Variants in ZBTB38 observed in about 807,000 individuals in gnomAD.
ZBTB38 encodes the protein zinc finger and BTB domain containing 38, also known as zinc finger and BTB domain-containing protein 38.
Under a neutral mutation model 76.8 loss-of-function variants are expected in ZBTB38, and 20 were observed. The observed-to-expected ratio is 0.26, with a 90% CI of 0.18 to 0.38. ZBTB38 has a LOEUF of 0.38. ZBTB38 is among the 10% of genes least tolerant of loss of function. The pLI is 1.00. For missense variants in ZBTB38, 1,082 were observed against 1,482.3 expected, an observed-to-expected ratio of 0.73 and a Z score of 4.43; for synonymous variants, 504 against 544.2, an observed-to-expected ratio of 0.93 and a Z score of 1.03.
chr3:141,384,216 G>A (rs375088343), intron 3 of ZBTB38, among the ~76,000 whole-genome samples: 3 of 152,324 alleles, frequency 2.0e-5, no homozygotes, highest in African/African-American at 4.8e-5. Flanking sequence ...AACCCCACAG[G>A]GGGTTTGGAA....
intron 1 of ZBTB38, among the ~76,000 whole-genome samples, chr3:141,339,103 T>C (rs1943098817): frequency 6.6e-6 from 1 of 151,974 alleles, no homozygotes; most frequent in African/African-American, 2.4e-5. Flanking sequence ...CCATGCCAAA[T>C]CTCAAGTGAA....
At chr3:141,341,046 T>G (rs941260529) in intron 1 of ZBTB38, among the ~76,000 whole-genome samples, 1 of 151,284 alleles carries the variant, frequency 6.6e-6, no homozygotes, top group East Asian at 1.9e-4. Flanking sequence ...AATAAGCGCA[T>G]GAAAAGATGT....
At chr3:141,358,571 A>G (rs1467403406) in intron 1 of ZBTB38, among the ~76,000 whole-genome samples, 1 of 152,230 alleles carries the variant, frequency 6.6e-6, no homozygotes, top group African/African-American at 2.4e-5. Context: ...CATTCAATTC[A>G]CCTATTTAAA....
chr3:141,377,816 G>A (rs1328713417), intron 2 of ZBTB38, among the ~76,000 whole-genome samples: 1 of 152,134 alleles, frequency 6.6e-6, no homozygotes, highest in Non-Finnish European at 1.5e-5. Context: ...GATCACAAGG[G>A]CATTATGCTG....
At chr3:141,365,191 G>A (rs1943929536), upstream of ZBTB38, among the ~76,000 whole-genome samples, 3 of 152,116 alleles carry the variant, frequency 2.0e-5, no homozygotes, top group African/African-American at 7.2e-5. Flanking sequence ...CCCACACAGT[G>A]GAATATTATT....
At chr3:141,353,668 G>A (rs1943581694) in intron 1 of ZBTB38, among the ~76,000 whole-genome samples, 1 of 152,146 alleles carries the variant, frequency 6.6e-6, no homozygotes. Flanking sequence ...CATTGCTGAA[G>A]CCTGTATCTT....
chr3:141,377,804 T>G (rs1221203415), intron 2 of ZBTB38, among the ~76,000 whole-genome samples: 1 of 152,198 alleles, frequency 6.6e-6, no homozygotes, highest in Non-Finnish European at 1.5e-5. Flanking sequence ...ACAATTCAAA[T>G]GGATCACAAG....
At chr3:141,430,486 A>G (rs1454184887) in intron 5 of ZBTB38, among the ~76,000 whole-genome samples, 2 of 152,190 alleles carry the variant, frequency 1.3e-5, no homozygotes, top group African/African-American at 4.8e-5. Context: ...TCCAGCTGAC[A>G]TTTCTTGAAC....
intron 5 of ZBTB38, among the ~76,000 whole-genome samples, chr3:141,431,139 A>G (rs1023651995): frequency 2.0e-5 from 3 of 151,756 alleles, no homozygotes; most frequent in Non-Finnish European, 2.9e-5. Context: ...CCTGACCAAC[A>G]TGGTGAAACC....
chr3:141,404,956 C>T (rs1287828871), intron 5 of ZBTB38, among the ~76,000 whole-genome samples: 2 of 152,226 alleles, frequency 1.3e-5, no homozygotes, highest in Admixed American at 6.5e-5. Flanking sequence ...GGGTCCATCG[C>T]AGGGACAGAC....
chr3:141,389,449 C>CTTTTT (rs34802212), intron 4 of ZBTB38: 1 of 123,818 alleles, frequency 8.1e-6, no homozygotes, highest in Non-Finnish European at 1.7e-5. Flanking sequence ...CCTGCAACAC[C>CTTTTT]TTTTTTTTTT....
intron 1 of ZBTB38, among the ~76,000 whole-genome samples, chr3:141,347,508 G>A (rs556414013): frequency 9.9e-5 from 15 of 152,184 alleles, no homozygotes; most frequent in Non-Finnish European, 5.9e-5. Flanking sequence ...CATTATACAC[G>A]GGCCTGTTTG....
intron 5 of ZBTB38, among the ~76,000 whole-genome samples, chr3:141,425,318 T>A (rs1046824423): frequency 1.3e-5 from 2 of 152,236 alleles, no homozygotes; most frequent in African/African-American, 4.8e-5. Flanking sequence ...ACTCTACGTA[T>A]ACATTCAATA....
intron 5 of ZBTB38, among the ~76,000 whole-genome samples, chr3:141,410,135 G>C (rs1468005138): frequency 1.3e-5 from 2 of 152,180 alleles, no homozygotes; most frequent in Non-Finnish European, 1.5e-5. Context: ...GGACAAGCAG[G>C]GGCAGGGACT....
upstream of ZBTB38, among the ~76,000 whole-genome samples, chr3:141,365,855 T>G (rs1466567360): frequency 6.6e-6 from 1 of 152,148 alleles, no homozygotes. Flanking sequence ...AATTGTACAC[T>G]TTAAGTGAGT....
chr3:141,335,980 TATC>T (rs1250759314), intron 1 of ZBTB38, among the ~76,000 whole-genome samples: 5 of 151,988 alleles, frequency 3.3e-5, no homozygotes, highest in African/African-American at 1.2e-4. Flanking sequence ...AAGGGGAAAA[TATC>T]ATATATTCTT....
chr3:141,382,475 C>T lies in ZBTB38; in HGVS notation c.-172+988C>T, dbSNP rs538833814. On this transcript the variant is annotated intron_variant, in intron 3 of 5. Coordinates refer to ENST00000321464, the MANE Select transcript of ZBTB38 (RefSeq NM_001376113.1). ...GTATCTCTCTCGGCCTGTTTGGTCA[C>T]CTGTGAGAGGGAAAAAACTAGACTC... 2.6e-5 allele frequency among the ~76,000 whole-genome samples: 4 copies of T among 152,002 alleles called. No homozygotes were observed. In the South Asian group the frequency reaches 8.3e-4, roughly 32 times the overall value.
chr3:141,343,609 A>G (rs1346365646), intron 1 of ZBTB38, among the ~76,000 whole-genome samples: 2 of 152,184 alleles, frequency 1.3e-5, no homozygotes, highest in Non-Finnish European at 2.9e-5. Flanking sequence ...AGAGGTACAG[A>G]TCAATCCAGG....
In ZBTB38 at chr3:141,442,463, GCA is replaced by G; in HGVS notation, c.76_77del (p.Gln26AlafsTer19). ...ACACGGTACTCTCCATCTTAAATGA[GCA>G]GCGCATTCGGGGCATTTTATGCGAT... ...SDTVLSILNE[Q>X]RIRGILCDVT... is the part of the protein sequence containing the mutation. On this transcript the variant is annotated frameshift_variant, in exon 6 of 6. Coordinates refer to ENST00000321464, the MANE Select transcript of ZBTB38 (RefSeq NM_001376113.1). LOFTEE classifies it high-confidence loss of function. This position sits in a 1 kb window ranked among gnomAD's most constrained non-coding sequence, Gnocchi z 6.4. The G allele has an allele frequency of 6.2e-7, 1 of 1,614,212 alleles. No homozygotes were observed.
Sources: gnomAD v4.1 joint callset for allele counts (sites outside exome capture counted in the v4.1 genomes callset) on GRCh38, gnomAD v4.1.1 for gene constraint, Gnocchi (gnomAD v3.1) non-coding constraint, MANE v1.5 for transcripts, NCBI Gene and HGNC (gene_info 2026-07-23, HGNC 2026-07-21) for gene names.